Variants in ANTXR2 observed in about 807,000 individuals in gnomAD.
ANTXR2 encodes ANTXR cell adhesion molecule 2.
Under a neutral mutation model 73.7 loss-of-function variants are expected in ANTXR2, and 44 were observed. That is an observed-to-expected ratio of 0.60 (90% confidence interval 0.47 to 0.77). The LOEUF is 0.77. Ranked by LOEUF, ANTXR2 falls within the 30% of genes least tolerant of loss-of-function variation. The pLI is 0.00. For synonymous variants in ANTXR2, 217 were observed against 205.9 expected, an observed-to-expected ratio of 1.05 and a Z score of -0.46; for missense variants, 604 against 592.5, an observed-to-expected ratio of 1.02 and a Z score of -0.20.
At chr4:80,046,122 T>C (rs1733504075) in intron 7 of ANTXR2, among the ~76,000 whole-genome samples, 1 of 151,800 alleles carries the variant, frequency 6.6e-6, no homozygotes, top group Non-Finnish European at 1.5e-5. Context: ...TAAATCATAC[T>C]CATTGTCTTT....
At chr4:79,989,968 A>C (rs1413806120) in intron 12 of ANTXR2, among the ~76,000 whole-genome samples, 1 of 148,774 alleles carries the variant, frequency 6.7e-6, no homozygotes, top group Non-Finnish European at 1.5e-5. Context: ...ACTAGGCATC[A>C]AAAAAAATAT....
chr4:79,945,522 A>G (rs185281191), intron 16 of ANTXR2, among the ~76,000 whole-genome samples: 1 of 152,264 alleles, frequency 6.6e-6, no homozygotes, highest in East Asian at 1.9e-4. Context: ...AAAATAAAGC[A>G]GGGAGTTTAT....
intron 11 of ANTXR2, among the ~76,000 whole-genome samples, chr4:80,010,544 T>C (rs1316307683): frequency 6.6e-6 from 1 of 152,124 alleles, no homozygotes; most frequent in Non-Finnish European, 1.5e-5. Flanking sequence ...ACATTTGGTT[T>C]CCCCTTTTCT....
chr4:80,061,053 A>T (rs1343144623), intron 3 of ANTXR2, among the ~76,000 whole-genome samples: 1 of 152,110 alleles, frequency 6.6e-6, no homozygotes, highest in Admixed American at 6.5e-5. Context: ...TCTCCTCCAC[A>T]TGGCTAGGTT....
At position 80,067,930 on chromosome 4, in the gene ANTXR2, G is replaced by A. The variant is rs1049319898; in HGVS notation, c.296+1506C>T. ...GATGCAGCAAACTACCACGGCACAC[G>A]TTTACCTATGTAACAAACCTGCATG... On this transcript the variant is annotated intron_variant, in intron 3 of 16. Coordinates refer to ENST00000403729, the MANE Select transcript of ANTXR2 (RefSeq NM_058172.6). Among the ~76,000 whole-genome samples the A allele has an allele frequency of 1.4e-4, 22 of 152,092 alleles. No individual in the cohort carries two copies. In the East Asian group the frequency reaches 2.9e-3, roughly 20 times the overall value.
intron 7 of ANTXR2, among the ~76,000 whole-genome samples, chr4:80,038,693 T>C (rs1309270386): frequency 6.6e-6 from 1 of 152,042 alleles, no homozygotes; most frequent in Non-Finnish European, 1.5e-5. Flanking sequence ...AATAAGTTTT[T>C]CTAAAAATAA....
At chr4:80,003,750 A>G (rs2110049357) in intron 12 of ANTXR2, among the ~76,000 whole-genome samples, 1 of 152,194 alleles carries the variant, frequency 6.6e-6, no homozygotes, top group South Asian at 2.1e-4. Context: ...TAATAAAAAT[A>G]GAGAAAACAC....
At chr4:80,003,852 C>T (rs1301945049) in intron 12 of ANTXR2, among the ~76,000 whole-genome samples, 4 of 152,060 alleles carry the variant, frequency 2.6e-5, no homozygotes, top group South Asian at 2.1e-4. Flanking sequence ...AACAGTTTGG[C>T]AGTTTCCCAT....
chr4:79,916,635 T>A (rs1727365906), intron 16 of ANTXR2, among the ~76,000 whole-genome samples: 1 of 152,046 alleles, frequency 6.6e-6, no homozygotes, highest in Non-Finnish European at 1.5e-5. Context: ...AACAAGAAAT[T>A]GAAAATGATC....
At chr4:80,065,484 G>A (rs1373972236) in intron 3 of ANTXR2, among the ~76,000 whole-genome samples, 4 of 152,128 alleles carry the variant, frequency 2.6e-5, no homozygotes, top group African/African-American at 9.7e-5. Flanking sequence ...AGGTGGGTGG[G>A]TAGGTGGAGG....
chr4:79,932,601 C>T (rs1177591513), intron 16 of ANTXR2, among the ~76,000 whole-genome samples: 1 of 151,320 alleles, frequency 6.6e-6, no homozygotes, highest in Admixed American at 6.6e-5. Context: ...AGACCAGCCT[C>T]GTCAACATGG....
At chr4:79,991,816 G>A (rs1351716237) in intron 12 of ANTXR2, among the ~76,000 whole-genome samples, 2 of 152,076 alleles carry the variant, frequency 1.3e-5, no homozygotes, top group Non-Finnish European at 1.5e-5. Flanking sequence ...CATGGATGCA[G>A]CTGGAGGCCA....
rs58847709 is a variant in ANTXR2 at position 79,903,350 on chromosome 4, T to TTC, written c.*4077_*4078dup. ...CACATTGAGTCAATTCTCCCTCTGT[T>TTC]TCTCTCTCTCTCTCTCTCTCTCACA... On this transcript the variant is annotated 3_prime_UTR_variant, in exon 17 of 17. Coordinates refer to ENST00000403729, the MANE Select transcript of ANTXR2 (RefSeq NM_058172.6). 775 of 149,934 alleles carry TTC rather than the reference T, an allele frequency of 5.2e-3. 9 individuals are homozygous for TTC. The highest frequency in any genetic ancestry group is 6.9e-3 in the Middle Eastern group (2 of 288). 9.3% of individuals were successfully genotyped at this position (149,934 alleles called of 1,614,324 possible).
At chr4:80,059,736 G>A (rs1013446677) in intron 3 of ANTXR2, among the ~76,000 whole-genome samples, 1 of 152,038 alleles carries the variant, frequency 6.6e-6, no homozygotes, top group African/African-American at 2.4e-5. Flanking sequence ...GAGAAGGGCA[G>A]GGAAGGGAAG....
chr4:80,050,296 CT>C (rs1733715233), intron 7 of ANTXR2, among the ~76,000 whole-genome samples: 1 of 151,664 alleles, frequency 6.6e-6, no homozygotes, highest in African/African-American at 2.4e-5. Flanking sequence ...AAATGCTTGA[CT>C]TTGTGTGCTA....
chr4:80,035,614 T>C (rs1462484170), intron 8 of ANTXR2, among the ~76,000 whole-genome samples: 2 of 152,118 alleles, frequency 1.3e-5, no homozygotes, highest in African/African-American at 2.4e-5. Flanking sequence ...GTCCAGGTCA[T>C]CAAAGCATGG....
chr4:79,948,776 G>A (rs1048654429), intron 16 of ANTXR2, among the ~76,000 whole-genome samples: 3 of 152,074 alleles, frequency 2.0e-5, no homozygotes, highest in Admixed American at 1.3e-4. Context: ...AGGGGAGGAG[G>A]AAGGAAAGGA....
chr4:80,048,683 C>A (rs1005602856), intron 7 of ANTXR2, among the ~76,000 whole-genome samples: 2 of 151,580 alleles, frequency 1.3e-5, no homozygotes, highest in Non-Finnish European at 3.0e-5. Flanking sequence ...AAATGATTTG[C>A]CTTAAGAGAA....
chr4:80,053,370 G>A (rs1733850726), intron 7 of ANTXR2, among the ~76,000 whole-genome samples: 1 of 151,548 alleles, frequency 6.6e-6, no homozygotes, highest in African/African-American at 2.4e-5. Flanking sequence ...TGTTTTCTCT[G>A]AAAAGCTCCA....
Sources: allele counts gnomAD v4.1 joint callset (sites outside exome capture counted in the v4.1 genomes callset), GRCh38; gene constraint gnomAD v4.1.1; transcripts MANE v1.5; gene names NCBI Gene and HGNC (gene_info 2026-07-23, HGNC 2026-07-21).